The following LAMA2 variants were observed in gnomAD, a reference collection of about 807,000 sequenced individuals.
LAMA2 encodes the protein laminin subunit alpha 2.
LAMA2 carries 269 observed loss-of-function variants against 364.8 expected under a neutral mutation model. That is an observed-to-expected ratio of 0.74 (90% confidence interval 0.67 to 0.82). The LOEUF is 0.82. Ranked by LOEUF, LAMA2 falls within the 40% of genes least tolerant of loss-of-function variation. LAMA2 has a pLI of 0.00. For missense variants in LAMA2, 3,807 were observed against 3,873.2 expected (o/e 0.98, Z 0.45); for synonymous variants, 1,379 against 1,370.6 (o/e 1.01, Z -0.14).
At chr6:129,283,878 G>A (rs140181475) in intron 18 of LAMA2, among the ~76,000 whole-genome samples, 250 of 152,032 alleles carry the variant, frequency 1.6e-3, no homozygotes, top group Non-Finnish European at 3.2e-3. Flanking sequence ...AACAGAGGAG[G>A]GGCAGTTATA....
intron 3 of LAMA2, among the ~76,000 whole-genome samples, chr6:129,085,224 C>T (rs1481428631): frequency 1.3e-5 from 2 of 152,178 alleles, no homozygotes; most frequent in African/African-American, 2.4e-5. Context: ...AATTTCATGA[C>T]ATTTTGTCCT....
intron 62 of LAMA2, among the ~76,000 whole-genome samples, chr6:129,510,859 A>C (rs1056128683): frequency 6.6e-6 from 1 of 152,062 alleles, no homozygotes; most frequent in African/African-American, 2.4e-5. Context: ...AAAACAGAAA[A>C]ACACAGGATA....
intron 1 of LAMA2, among the ~76,000 whole-genome samples, chr6:129,039,143 A>G (rs1464620981): frequency 2.0e-5 from 3 of 152,236 alleles, no homozygotes; most frequent in African/African-American, 4.8e-5. Flanking sequence ...AAGTTACAGT[A>G]TGATGAGGGT....
intron 56 of LAMA2, among the ~76,000 whole-genome samples, chr6:129,489,416 C>T (rs1314727979): frequency 6.6e-6 from 1 of 152,158 alleles, no homozygotes. Context: ...TTTCTTGGCA[C>T]TCCAGTGACC....
At chr6:128,989,644 T>C (rs1274701288) in intron 1 of LAMA2, among the ~76,000 whole-genome samples, 3 of 152,226 alleles carry the variant, frequency 2.0e-5, no homozygotes, top group African/African-American at 7.2e-5. Flanking sequence ...AACTTTATTC[T>C]TCACATCAGG....
chr6:129,420,930 C>A (rs1010065903), intron 40 of LAMA2, among the ~76,000 whole-genome samples: 1 of 152,110 alleles, frequency 6.6e-6, no homozygotes, highest in African/African-American at 2.4e-5. Flanking sequence ...ATTTGTTTGT[C>A]TTTCCTCTTC....
intron 51 of LAMA2, among the ~76,000 whole-genome samples, chr6:129,466,732 T>A (rs938948377): frequency 1.3e-5 from 2 of 151,860 alleles, no homozygotes; most frequent in African/African-American, 4.8e-5. Flanking sequence ...GGGAATGCTT[T>A]AGTAACTACA....
intron 23 of LAMA2, 44 bp from the exon 24 acceptor site, chr6:129,314,611 A>G: frequency 6.2e-7 from 1 of 1,602,954 alleles, no homozygotes; most frequent in Non-Finnish European, 8.5e-7. Context: ...TTTCTCCCCT[A>G]ACTTTGCCGT....
chr6:129,124,132 T>C (rs1776970966), intron 4 of LAMA2, among the ~76,000 whole-genome samples: 1 of 152,164 alleles, frequency 6.6e-6, no homozygotes, highest in South Asian at 2.1e-4. Context: ...TTCTAACTTG[T>C]GGTGTTTTCT....
chr6:129,110,067 C>G (rs544082395), intron 4 of LAMA2, among the ~76,000 whole-genome samples: 8 of 150,992 alleles, frequency 5.3e-5, no homozygotes, highest in Admixed American at 5.3e-4. Context: ...TAATATTGTA[C>G]AGATAGGCAC....
intron 1 of LAMA2, among the ~76,000 whole-genome samples, chr6:129,016,881 T>A (rs1379357169): frequency 1.3e-5 from 2 of 151,616 alleles, no homozygotes; most frequent in African/African-American, 4.8e-5. Context: ...CATTATATAT[T>A]ACATATACAT....
At chr6:128,893,011 A>C (rs777470892) in intron 1 of LAMA2, among the ~76,000 whole-genome samples, 12 of 151,974 alleles carry the variant, frequency 7.9e-5, no homozygotes, top group Non-Finnish European at 1.6e-4. Context: ...AAAAGTTTCA[A>C]TCTTGCCTAA....
chr6:129,020,534 G>A lies in LAMA2; in HGVS notation c.113-29384G>A, dbSNP rs184620389. On this transcript the variant is annotated intron_variant, in intron 1 of 64. Coordinates refer to ENST00000421865, the MANE Select transcript of LAMA2 (RefSeq NM_000426.4). ...TCTTAGTAGGTGGTGGCAACAAGCT[G>A]TGGGAGTGTGAGGAGAGGAACTGCA... is the stretch of plus-strand genomic sequence containing the variant. 2.8e-3 allele frequency among the ~76,000 whole-genome samples: 419 copies of A among 152,274 alleles called. 4 individuals are homozygous for A. The highest frequency in any genetic ancestry group is 3.1e-3 in the Admixed American group (47 of 15,284).
intron 4 of LAMA2, among the ~76,000 whole-genome samples, chr6:129,141,172 T>G (rs1454438237): frequency 6.6e-6 from 1 of 151,916 alleles, no homozygotes; most frequent in Non-Finnish European, 1.5e-5. Context: ...AAGCCTGAGT[T>G]CAATGGCACT....
chr6:129,502,031 C>A (rs1785684215), intron 58 of LAMA2, among the ~76,000 whole-genome samples: 2 of 152,186 alleles, frequency 1.3e-5, no homozygotes, highest in South Asian at 4.1e-4. Flanking sequence ...CCTCAGCACC[C>A]TAGGAAGCTG....
At chr6:128,978,069 T>C (rs559758058) in intron 1 of LAMA2, among the ~76,000 whole-genome samples, 1 of 152,310 alleles carries the variant, frequency 6.6e-6, no homozygotes, top group South Asian at 2.1e-4. Flanking sequence ...AGTACGGAGT[T>C]GTAAACCTGC....
chr6:129,314,517 A>G (rs1774449900), intron 23 of LAMA2, 138 bp from the exon 24 acceptor site: 1 of 719,906 alleles, frequency 1.4e-6, no homozygotes, highest in Admixed American at 2.0e-5. Context: ...GCCATTTGAG[A>G]TGTGAGTCTA....
chr6:129,366,426 G>A (rs1583584993), intron 33 of LAMA2, 65 bp downstream of exon 33: 2 of 1,555,966 alleles, frequency 1.3e-6, no homozygotes, highest in East Asian at 4.5e-5. Context: ...AAGCGGTATT[G>A]GCTGTAATTG....
intron 12 of LAMA2, among the ~76,000 whole-genome samples, chr6:129,239,791 T>A (rs1054016113): frequency 6.6e-6 from 1 of 152,180 alleles, no homozygotes; most frequent in African/African-American, 2.4e-5. Context: ...GCTGGAATTA[T>A]AGTTGTGTGC....
Sources: allele counts gnomAD v4.1 joint callset (sites outside exome capture counted in the v4.1 genomes callset), GRCh38; gene constraint gnomAD v4.1.1; transcripts MANE v1.5; gene names NCBI Gene and HGNC (gene_info 2026-07-23, HGNC 2026-07-21).